The following TRRAP variants were observed in gnomAD, a reference collection of about 807,000 sequenced individuals.
The protein encoded by TRRAP is transformation/transcription domain-associated protein.
In TRRAP, 41 loss-of-function variants were observed where a neutral mutation model predicts 438.8. That is an observed-to-expected ratio of 0.09 (90% CI 0.07 to 0.12). TRRAP has a LOEUF of 0.12. Among genes scored for constraint, TRRAP ranks in the 10% least tolerant of loss-of-function variants. The pLI is 1.00. For synonymous variants in TRRAP, 1,994 were observed against 1,962.9 expected (o/e 1.02, Z -0.42); for missense variants, 3,122 against 5,055.1 (o/e 0.62, Z 11.60).
chr7:98,927,981 A>G (rs560880438), intron 23 of TRRAP, among the ~76,000 whole-genome samples: 4 of 152,244 alleles, frequency 2.6e-5, no homozygotes, highest in Admixed American at 6.5e-5. Context: ...GCTCACGCCT[A>G]TAATCCCAGC....
At position 98,949,469 on chromosome 7, in the gene TRRAP, A is replaced by T; in HGVS notation, c.4841A>T (p.Asn1614Ile). ...ARPLRDVLAA[N>I]PNRFITLLLP... ...CCTCTGCGGGATGTGCTGGCTGCCA[A>T]CCCCAACAGGTTCATCACCCTGCTG... The change falls in exon 36 of 73, where the codon AAC (asparagine) becomes ATC (isoleucine). Residue 1614 changes from asparagine (N) to isoleucine (I), a missense_variant. Physicochemically the swap from Asn to Ile is moderately radical, Grantham distance 149. This residue lies in a region of TRRAP where 272 missense variants were observed against 348.5 expected (regional missense o/e 0.78). Transcript: ENST00000456197. 6.2e-7 allele frequency: 1 copy of T among 1,607,586 alleles called. No individual in the cohort carries two copies. Among genetic ancestry groups the T allele is most frequent in the Non-Finnish European group, 8.5e-7 (1 of 1,177,900 alleles).
chr7:98,936,640 C>G (rs191534141), intron 28 of TRRAP, among the ~76,000 whole-genome samples: 1 of 152,144 alleles, frequency 6.6e-6, no homozygotes, highest in Non-Finnish European at 1.5e-5. Flanking sequence ...GACCAGAGAC[C>G]GTGCCATCAG....
At chr7:98,900,850 A>G in intron 11 of TRRAP, 130 bp downstream of exon 11, 1 of 708,522 alleles carries the variant, frequency 1.4e-6, no homozygotes, top group South Asian at 2.0e-5. Context: ...AAAATACGGT[A>G]CATTTCCATC....
rs1206144682 is a variant in TRRAP at position 98,956,700 on chromosome 7, G to A, written c.6231+167G>A. On this transcript the variant is annotated intron_variant, in intron 43 of 72. Transcript: ENST00000456197. The surrounding 1 kb of genome is among the most constrained non-coding windows in gnomAD (Gnocchi z 4.5). ...CTCCAGGACATGTCACTCATGCAAGGGGTTCCCAGGTCACCAGACATGCTT... is the reference window on the plus strand; with the variant it reads ...CTCCAGGACATGTCACTCATGCAAGAGGTTCCCAGGTCACCAGACATGCTT... 6.6e-6 allele frequency among the ~76,000 whole-genome samples: 1 copy of A among 152,094 alleles called. No homozygotes were observed. The highest frequency in any genetic ancestry group is 6.5e-5 in the Admixed American group (1 of 15,278).
chr7:98,967,065 A>G lies in TRRAP; in HGVS notation c.7201A>G (p.Ile2401Val). The stretch of plus-strand genomic sequence containing the variant: ...GACACCTACACTCCGGGAGAAGTCC[A>G]TTTTGCTTGTGAAGATGATGACTTA... ...NQTPTLREKS[I>V]LLVKMMTYIE... is the part of the protein sequence containing the mutation. The change falls in exon 50 of 73, where the codon ATT (isoleucine) becomes GTT (valine). Residue 2401 changes from isoleucine (I) to valine (V), a missense_variant. Physicochemically the swap from Ile to Val is conservative, Grantham distance 29. This residue lies in a region of TRRAP where 992 missense variants were observed against 1,281.2 expected (regional missense o/e 0.77). Transcript: ENST00000456197. The G allele has an allele frequency of 6.2e-7, 1 of 1,613,962 alleles. No homozygotes were observed. The highest frequency in any genetic ancestry group is 8.5e-7 in the Non-Finnish European group (1 of 1,179,942).
chr7:98,916,627 T>A (rs1378470163), intron 19 of TRRAP, among the ~76,000 whole-genome samples: 2 of 152,156 alleles, frequency 1.3e-5, no homozygotes, highest in African/African-American at 4.8e-5. Flanking sequence ...ATAACCTGGC[T>A]CCATGTCCGG....
At chr7:98,993,383 G>A (rs1011945274) in intron 65 of TRRAP, among the ~76,000 whole-genome samples, 155 bp from the exon 66 acceptor site, 4 of 152,232 alleles carry the variant, frequency 2.6e-5, no homozygotes, top group African/African-American at 9.7e-5. Flanking sequence ...CTAGAACCAG[G>A]GCCTTCTCCC....
chr7:98,904,483 CAAAAAAAAAAA>C (rs59353514), intron 12 of TRRAP, among the ~76,000 whole-genome samples: 6 of 45,582 alleles, frequency 1.3e-4, no homozygotes, highest in East Asian at 8.4e-4. Context: ...GACTCTGTCT[CAAAAAAAAAAA>C]AAAAAAAAAA....
chr7:98,930,527 G>A (rs550067467), intron 24 of TRRAP, 106 bp from the exon 25 acceptor site: 494 of 1,427,796 alleles, frequency 3.5e-4, no homozygotes, highest in Non-Finnish European at 4.4e-4. Flanking sequence ...GCGGTGAGCC[G>A]AGATCACACC....
At chr7:98,913,309 G>GT (rs3216259) in intron 18 of TRRAP, among the ~76,000 whole-genome samples, 1,523 of 147,952 alleles carry the variant, frequency 0.01, 18 homozygotes, top group African/African-American at 0.029. Flanking sequence ...GTTTTTTTGG[G>GT]TTTTTTTTTT....
Position 98,976,918 on chromosome 7 carries a change from A to G in TRRAP, c.8248-21A>G, listed in dbSNP as rs1562968273. 1.2e-6 allele frequency: 2 copies of G among 1,613,688 alleles called. No homozygotes were observed. The highest frequency in any genetic ancestry group is 1.7e-6 in the Non-Finnish European group (2 of 1,179,914). ...AAAGTCTCTGTCTCAAGCACTCAGG[A>G]ACCTTACTTTGTGTTTTCAGGAGAT... On this transcript the variant is annotated intron_variant, in intron 55 of 72. Transcript: ENST00000456197. This position sits in a 1 kb window ranked among gnomAD's most constrained non-coding sequence, Gnocchi z 4.6.
At chr7:98,958,444 C>T (rs574045575) in intron 44 of TRRAP, among the ~76,000 whole-genome samples, 2 of 152,086 alleles carry the variant, frequency 1.3e-5, no homozygotes, top group Admixed American at 6.6e-5. Flanking sequence ...GGATTACAGG[C>T]GCGTGCCACC....
Position 98,993,772 on chromosome 7 carries a change from T to G in TRRAP, c.10047+35T>G, listed in dbSNP as rs1241378096. 1.3e-5 allele frequency: 21 copies of G among 1,604,726 alleles called. No homozygotes were observed. The East Asian group carries it at 4.7e-4, about 36-fold the overall frequency. On this transcript the variant is annotated intron_variant, in intron 66 of 72. Coordinates refer to ENST00000456197, the MANE Select transcript of TRRAP (RefSeq NM_001375524.1). ...TCTGATCTTGCACATGGTGGCTCCT[T>G]GTAGAGGGGACGTGGTGTTCTGTAT...
Position 98,953,366 on chromosome 7 carries a change from A to G in TRRAP, c.5663A>G (p.Tyr1888Cys). 6.2e-7 allele frequency: 1 copy of G among 1,613,872 alleles called. No homozygotes were observed. The highest frequency in any genetic ancestry group is 8.5e-7 in the Non-Finnish European group (1 of 1,180,018). The change falls in exon 40 of 73, where the codon TAC becomes TGC. Residue 1888 changes from tyrosine to cysteine, a missense_variant. Coordinates refer to ENST00000456197, the MANE Select transcript of TRRAP (RefSeq NM_001375524.1). ...SKACVDPACK[Y>C]SGHLLLAHII... Reference sequence around the variant, plus strand: ...GCCTGCGTGGACCCAGCCTGCAAGTACAGCGGACACTTGCTCCTGGCGCAC... The same window carrying G: ...GCCTGCGTGGACCCAGCCTGCAAGTGCAGCGGACACTTGCTCCTGGCGCAC...
intron 59 of TRRAP, among the ~76,000 whole-genome samples, 196 bp from the exon 60 acceptor site, chr7:98,983,068 A>T (rs930773363): frequency 2.0e-5 from 3 of 152,182 alleles, no homozygotes; most frequent in Non-Finnish European, 4.4e-5. Context: ...AGACACCATA[A>T]GGAAAGTAGT....
intron 62 of TRRAP, among the ~76,000 whole-genome samples, chr7:98,988,268 C>T (rs1793250947): frequency 6.6e-6 from 1 of 152,212 alleles, no homozygotes. Context: ...AGCATTTCCA[C>T]TCCCTGGTAT....
intron 3 of TRRAP, among the ~76,000 whole-genome samples, chr7:98,890,015 T>G (rs1795895812): frequency 6.6e-6 from 1 of 152,210 alleles, no homozygotes; most frequent in African/African-American, 2.4e-5. Flanking sequence ...AACTGAGACC[T>G]AGAAGCTAAA....
In TRRAP at chr7:98,925,359, G is replaced by A; in HGVS notation, c.2975+96G>A. On this transcript the variant is annotated intron_variant, in intron 22 of 72. Transcript: ENST00000456197. ...CCAGGTTTCCTGGTGCTAGGAGCAG[G>A]CTCCTTGAAGTCCAGCAGATGCCAT... is the stretch of plus-strand genomic sequence containing the variant. The A allele has an allele frequency of 3.3e-6, 5 of 1,508,894 alleles. No homozygotes were observed. In the South Asian group the frequency reaches 5.3e-5, roughly 16 times the overall value. The allele number at this position is 1,508,894 out of a possible 1,614,324, so 93.5% of individuals were successfully genotyped here. A position where few individuals can be genotyped will look rare whatever the true frequency, so the allele number is the denominator to read the frequency against.
intron 3 of TRRAP, among the ~76,000 whole-genome samples, chr7:98,889,891 A>G (rs1453131453): frequency 6.6e-6 from 1 of 152,270 alleles, no homozygotes; most frequent in East Asian, 1.9e-4. Context: ...ACTAGGATCA[A>G]TAATGGATTA....
Sources: allele counts gnomAD v4.1 joint callset (sites outside exome capture counted in the v4.1 genomes callset), GRCh38; gene constraint gnomAD v4.1.1; regional missense constraint gnomAD v4.1.1; non-coding constraint Gnocchi (gnomAD v3.1); transcripts MANE v1.5; gene names NCBI Gene and HGNC (gene_info 2026-07-23, HGNC 2026-07-21).